Variants in SDK1 observed in about 807,000 individuals in gnomAD.
SDK1 encodes the protein protein sidekick-1.
A neutral mutation model predicts 245.5 loss-of-function variants in SDK1; 157 were observed. The ratio of observed to expected loss-of-function variants is 0.64; its 90% CI spans 0.56 to 0.73. SDK1 has a LOEUF of 0.73. Among genes scored for constraint, SDK1 ranks in the 30% least tolerant of loss-of-function variants. The pLI, the probability that SDK1 is intolerant of heterozygous loss-of-function variation, is 0.00. For missense variants in SDK1, 3,583 were observed against 3,002.3 expected (o/e 1.19, Z -4.52); for synonymous variants, 1,647 against 1,278.5 (o/e 1.29, Z -6.15).
At chr7:3,919,570 T>C (rs897968206) in intron 5 of SDK1, among the ~76,000 whole-genome samples, 3 of 152,196 alleles carry the variant, frequency 2.0e-5, no homozygotes, top group Admixed American at 6.5e-5. Context: ...ATATCCATAA[T>C]GTCGAGGCAT....
chr7:3,893,705 T>C (rs991045772), intron 5 of SDK1, among the ~76,000 whole-genome samples: 4 of 151,338 alleles, frequency 2.6e-5, no homozygotes, highest in Non-Finnish European at 4.4e-5. Flanking sequence ...GATGGCATTC[T>C]AGATGTCTCC....
At chr7:4,206,611 G>A (rs892308823) in intron 36 of SDK1, among the ~76,000 whole-genome samples, 16 of 152,174 alleles carry the variant, frequency 1.1e-4, no homozygotes, top group Admixed American at 1.3e-4. Flanking sequence ...ACAGGAGAGC[G>A]TCGAGTGAGG....
chr7:3,708,267 C>T (rs911555718), intron 4 of SDK1, among the ~76,000 whole-genome samples: 1 of 152,118 alleles, frequency 6.6e-6, no homozygotes, highest in Non-Finnish European at 1.5e-5. Flanking sequence ...TCATGAGAAA[C>T]CCACCTCCAA....
Position 4,237,751 on chromosome 7 carries a change from G to T in SDK1, c.6097G>T (p.Gly2033Trp), listed in dbSNP as rs748836687. 6.2e-7 allele frequency: 1 copy of T among 1,614,136 alleles called. No homozygotes were observed. Among genetic ancestry groups the T allele is most frequent in the South Asian group, 1.1e-5 (1 of 91,078 alleles). The change falls in exon 42 of 45, where the codon GGG becomes TGG. Residue 2033 changes from glycine to tryptophan, a missense_variant. Transcript: ENST00000404826. ...GGTGGTGTTCGCCCTCGTCCTGCAC[G>T]GGCAGAATAAGAAGTATAAGAACTG... The part of the protein sequence containing the change: ...LLVVFALVLH[G>W]QNKKYKNCST...
At chr7:3,673,687 C>T (rs1420820854) in intron 4 of SDK1, among the ~76,000 whole-genome samples, 11 of 152,158 alleles carry the variant, frequency 7.2e-5, no homozygotes, top group Admixed American at 7.2e-4. Flanking sequence ...GACAAAAGCT[C>T]AGTCATTGAC....
At chr7:4,186,440 G>A (rs1252763902) in intron 35 of SDK1, among the ~76,000 whole-genome samples, 2 of 152,214 alleles carry the variant, frequency 1.3e-5, no homozygotes, top group Non-Finnish European at 2.9e-5. Context: ...CCAGGACAGA[G>A]CCTCCAAATA....
At chr7:4,022,744 A>G (rs918984255) in intron 17 of SDK1, among the ~76,000 whole-genome samples, 3 of 151,272 alleles carry the variant, frequency 2.0e-5, no homozygotes, top group Non-Finnish European at 4.4e-5. Context: ...CTCACTGGCC[A>G]CACTCCTCGT....
chr7:3,601,058 A>C (rs1418354734), intron 1 of SDK1, among the ~76,000 whole-genome samples: 1 of 152,114 alleles, frequency 6.6e-6, no homozygotes, highest in Non-Finnish European at 1.5e-5. Flanking sequence ...CCAGCCTTAC[A>C]TACCTAGAAG....
chr7:4,162,369 GTTATTATTA>G (rs533484732), intron 32 of SDK1, among the ~76,000 whole-genome samples: 9,804 of 128,186 alleles, frequency 0.076, 467 homozygotes, highest in African/African-American at 0.13. Flanking sequence ...TGTTGTTGTT[GTTATTATTA>G]TTATTATTAT....
intron 1 of SDK1, among the ~76,000 whole-genome samples, chr7:3,307,450 G>T (rs1257163613): frequency 6.6e-6 from 1 of 152,174 alleles, no homozygotes; most frequent in Non-Finnish European, 1.5e-5. Context: ...ATCTGTTCTG[G>T]AGAGGTTACT....
Position 3,487,434 on chromosome 7 carries a change from G to A in SDK1, c.299-131646G>A, listed in dbSNP as rs568546838. Among the ~76,000 whole-genome samples the A allele has an allele frequency of 5.3e-4, 80 of 150,924 alleles. 1 individual carries two copies. Among genetic ancestry groups the A allele is most frequent in the African/African-American group, 1.8e-3 (75 of 41,184 alleles). ...GAAAATTGGTTTGGGTCAGGAGGAG[G>A]AAAAAAAAATCTTAGAAATTGCAAT... On this transcript the variant is annotated intron_variant, in intron 1 of 44. Coordinates refer to ENST00000404826, the MANE Select transcript of SDK1 (RefSeq NM_152744.4).
intron 14 of SDK1, among the ~76,000 whole-genome samples, chr7:3,988,157 T>A (rs6943187): frequency 0.14 from 14,989 of 110,574 alleles, 1,225 homozygotes; most frequent in African/African-American, 0.31. Flanking sequence ...TTTTTTTTTT[T>A]ACCTCACTCC....
chr7:3,977,591 G>A (rs921194205), intron 13 of SDK1, among the ~76,000 whole-genome samples: 1 of 152,236 alleles, frequency 6.6e-6, no homozygotes, highest in Non-Finnish European at 1.5e-5. Context: ...TTCCCCGGAG[G>A]TCTCCTGATC....
chr7:3,582,409 CCTCAGGTAGGTCTGT>C lies in SDK1; in HGVS notation c.299-36642_299-36628del, dbSNP rs1237631254. Among the ~76,000 whole-genome samples the C allele has an allele frequency of 7.6e-4, 106 of 139,312 alleles. 3 individuals are homozygous for C. The highest frequency in any genetic ancestry group is 2.2e-3 in the East Asian group (10 of 4,610). The allele number at this position is 139,312 out of a possible 152,430, so 91.4% of individuals were successfully genotyped here. A position where few individuals can be genotyped will look rare whatever the true frequency, so the allele number is the denominator to read the frequency against. ...GGTAGGTCTCCCTCAGGTAGGTCTCCCTCAGGTAGGTCTGTCTCAGGTAGGTCTGTCTCAGGTAGG... is the reference window on the plus strand; with the variant it reads ...GGTAGGTCTCCCTCAGGTAGGTCTCCCTCAGGTAGGTCTGTCTCAGGTAGG... On this transcript the variant is annotated intron_variant, in intron 1 of 44. Transcript: ENST00000404826.
chr7:3,974,297 A>T, intron 12 of SDK1, 72 bp from the exon 13 acceptor site: 1 of 1,362,158 alleles, frequency 7.3e-7, no homozygotes, highest in Non-Finnish European at 1.0e-6. Flanking sequence ...CTTGCTTTTT[A>T]AGAGACAGGG....
intron 4 of SDK1, among the ~76,000 whole-genome samples, chr7:3,779,589 T>C (rs1234291827): frequency 6.6e-6 from 1 of 152,156 alleles, no homozygotes; most frequent in Admixed American, 6.5e-5. Context: ...TCTAATACTA[T>C]TTAAAATAAG....
At chr7:4,217,054 C>T (rs1233624549) in intron 38 of SDK1, among the ~76,000 whole-genome samples, 3 of 21,558 alleles carry the variant, frequency 1.4e-4, no homozygotes, top group Non-Finnish European at 1.8e-4. Context: ...CGGAGCACCA[C>T]ACCACCCGGA....
intron 4 of SDK1, among the ~76,000 whole-genome samples, chr7:3,764,708 T>A (rs1228200741): frequency 2.6e-5 from 4 of 151,610 alleles, no homozygotes; most frequent in Admixed American, 6.6e-5. Context: ...TAAAAAAAAA[T>A]AATCATCCTA....
chr7:3,731,919 G>C (rs1050024895), intron 4 of SDK1, among the ~76,000 whole-genome samples: 1 of 152,130 alleles, frequency 6.6e-6, no homozygotes, highest in Non-Finnish European at 1.5e-5. Context: ...AGCCTCCTGA[G>C]TAGCTGGGAC....
Sources: gnomAD v4.1 joint callset for allele counts (sites outside exome capture counted in the v4.1 genomes callset) on GRCh38, gnomAD v4.1.1 for gene constraint, MANE v1.5 for transcripts, NCBI Gene and HGNC (gene_info 2026-07-23, HGNC 2026-07-21) for gene names.